The following GRID2 variants were observed in gnomAD, a reference collection of about 807,000 sequenced individuals.
GRID2 encodes glutamate ionotropic receptor delta type subunit 2, also known as glutamate receptor ionotropic, delta-2.
A neutral mutation model predicts 114.8 loss-of-function variants in GRID2; 33 were observed. The ratio of observed to expected loss-of-function variants is 0.29; its 90% CI spans 0.22 to 0.38. The LOEUF is 0.38. Ranked by LOEUF, GRID2 falls within the 10% of genes least tolerant of loss-of-function variation. The pLI, the probability that GRID2 is intolerant of heterozygous loss-of-function variation, is 1.00. For missense variants in GRID2, 1,184 were observed against 1,257.7 expected (o/e 0.94, Z 0.89); for synonymous variants, 505 against 449.9 (o/e 1.12, Z -1.55).
intron 1 of GRID2, among the ~76,000 whole-genome samples, chr4:92,589,855 A>G (rs1020101130): frequency 4.6e-5 from 7 of 152,290 alleles, no homozygotes; most frequent in Admixed American, 2.6e-4. Flanking sequence ...ATACTTTGTC[A>G]TGTAGAAGCT....
intron 1 of GRID2, among the ~76,000 whole-genome samples, chr4:92,543,890 A>G (rs1166985976): frequency 6.6e-6 from 1 of 152,204 alleles, no homozygotes; most frequent in African/African-American, 2.4e-5. Context: ...AATTTTGTTT[A>G]ACATAGTGCT....
chr4:93,663,966 C>G (rs947648564), intron 14 of GRID2, among the ~76,000 whole-genome samples: 6 of 151,992 alleles, frequency 3.9e-5, no homozygotes, highest in Admixed American at 6.6e-5. Flanking sequence ...TCTAGTGCTA[C>G]AAAGGACAAT....
intron 2 of GRID2, among the ~76,000 whole-genome samples, chr4:92,715,909 G>A (rs951035220): frequency 3.9e-5 from 6 of 152,182 alleles, no homozygotes; most frequent in African/African-American, 1.4e-4. Context: ...CTGATATGGA[G>A]TGGATATTGA....
At chr4:93,166,737 C>T (rs1000193257) in intron 4 of GRID2, among the ~76,000 whole-genome samples, 2 of 152,036 alleles carry the variant, frequency 1.3e-5, no homozygotes, top group African/African-American at 4.8e-5. Context: ...ACCTGGGGAA[C>T]CACCCTTAAT....
At chr4:93,552,237 C>T (rs1733834548) in intron 13 of GRID2, among the ~76,000 whole-genome samples, 2 of 151,950 alleles carry the variant, frequency 1.3e-5, no homozygotes, top group South Asian at 4.2e-4. Context: ...GCATAGTATT[C>T]CATGGTGTAT....
At chr4:92,362,133 G>A (rs1401919865) in intron 1 of GRID2, among the ~76,000 whole-genome samples, 3 of 152,008 alleles carry the variant, frequency 2.0e-5, no homozygotes, top group Non-Finnish European at 4.4e-5. Flanking sequence ...AGTTATCATA[G>A]GAGCCAAACA....
At chr4:93,543,286 G>GA (rs879882549) in intron 13 of GRID2, among the ~76,000 whole-genome samples, 3 of 151,758 alleles carry the variant, frequency 2.0e-5, no homozygotes, top group Non-Finnish European at 2.9e-5. Flanking sequence ...AGAAAGGAGA[G>GA]AAAAAAAATA....
chr4:92,898,381 T>C (rs1388296186), intron 2 of GRID2, among the ~76,000 whole-genome samples: 1 of 152,168 alleles, frequency 6.6e-6, no homozygotes, highest in Non-Finnish European at 1.5e-5. Context: ...TTTTTCCCAA[T>C]GATTTCTAAA....
intron 13 of GRID2, among the ~76,000 whole-genome samples, chr4:93,596,821 T>A (rs1739155547): frequency 6.6e-6 from 1 of 152,236 alleles, no homozygotes; most frequent in African/African-American, 2.4e-5. Context: ...TTTAATGTAT[T>A]ACATGGACAT....
chr4:93,234,588 G>A (rs1312917892), intron 7 of GRID2, among the ~76,000 whole-genome samples: 2 of 150,768 alleles, frequency 1.3e-5, no homozygotes, highest in Admixed American at 6.6e-5. Flanking sequence ...ATGTTACATG[G>A]CAACTCAAAT....
At chr4:93,678,296 T>A (rs532703428) in intron 14 of GRID2, among the ~76,000 whole-genome samples, 25 of 152,282 alleles carry the variant, frequency 1.6e-4, no homozygotes, top group East Asian at 3.9e-4. Context: ...CAAATCTGCA[T>A]CTGATTGGTG....
At chr4:92,500,220 T>G (rs1457878452) in intron 1 of GRID2, among the ~76,000 whole-genome samples, 1 of 152,088 alleles carries the variant, frequency 6.6e-6, no homozygotes, top group Admixed American at 6.6e-5. Context: ...TAGCTGTAGT[T>G]GCCAATATCA....
At chr4:92,953,167 T>C (rs1350488540) in intron 2 of GRID2, among the ~76,000 whole-genome samples, 1 of 152,174 alleles carries the variant, frequency 6.6e-6, no homozygotes, top group African/African-American at 2.4e-5. Context: ...TCTTTACAAA[T>C]AAGGTCACAT....
chr4:92,372,842 G>A (rs1337893709), intron 1 of GRID2, among the ~76,000 whole-genome samples: 1 of 152,116 alleles, frequency 6.6e-6, no homozygotes, highest in Non-Finnish European at 1.5e-5. Context: ...CTCTGATGCT[G>A]TATAAGTTAT....
intron 13 of GRID2, among the ~76,000 whole-genome samples, chr4:93,519,219 G>A (rs1357175970): frequency 1.3e-5 from 2 of 152,042 alleles, no homozygotes; most frequent in South Asian, 2.1e-4. Context: ...GAACTGAAGA[G>A]CAACATGATA....
In GRID2 at chr4:92,727,249, AC is replaced by A. The variant is rs1397522039; in HGVS notation, c.244+136964del. Among the ~76,000 whole-genome samples the A allele has an allele frequency of 3.3e-5, 5 of 152,260 alleles. No individual in the cohort carries two copies. The South Asian group carries it at 1.0e-3, about 32-fold the overall frequency. ...CGTATACAATAAAAAGACTTAATTT[AC>A]AAAATGGTGTTTTAAAGTGTTTCTG... On this transcript the variant is annotated intron_variant, in intron 2 of 15. Transcript: ENST00000282020.
chr4:93,154,691 T>G (rs1737016704), intron 4 of GRID2, among the ~76,000 whole-genome samples: 1 of 151,804 alleles, frequency 6.6e-6, no homozygotes, highest in Non-Finnish European at 1.5e-5. Context: ...AATGAGTATT[T>G]GTGAACTTTC....
intron 13 of GRID2, among the ~76,000 whole-genome samples, chr4:93,614,807 A>G (rs1204745018): frequency 5.3e-5 from 8 of 152,224 alleles, no homozygotes; most frequent in Non-Finnish European, 1.2e-4. Context: ...AAACTTTTTA[A>G]AAGGGGAACA....
chr4:93,165,822 G>A (rs560659274), intron 4 of GRID2, among the ~76,000 whole-genome samples: 14 of 151,990 alleles, frequency 9.2e-5, no homozygotes, highest in East Asian at 3.9e-4. Context: ...GATGGACGGC[G>A]CAAAACCACC....
Sources: allele counts gnomAD v4.1 joint callset (sites outside exome capture counted in the v4.1 genomes callset), GRCh38; gene constraint gnomAD v4.1.1; transcripts MANE v1.5; gene names NCBI Gene and HGNC (gene_info 2026-07-23, HGNC 2026-07-21).